CALCR: variants seen among roughly 807,000 people sequenced by gnomAD.
The protein encoded by CALCR is calcitonin receptor.
Under a neutral mutation model 59.5 loss-of-function variants are expected in CALCR, and 47 were observed. The ratio of observed to expected loss-of-function variants is 0.79; its 90% confidence interval spans 0.63 to 1.01. The LOEUF (loss-of-function observed/expected upper bound fraction) is 1.01. Among genes scored for constraint, CALCR ranks in the 50% least tolerant of loss-of-function variants. The pLI is 0.00. For missense variants in CALCR, 566 were observed against 597.1 expected (o/e 0.95, Z 0.54); for synonymous variants, 213 against 211.3 (o/e 1.01, Z -0.07).
At chr7:93,482,066 A>G (rs1395680610) in intron 3 of CALCR, among the ~76,000 whole-genome samples, 1 of 151,888 alleles carries the variant, frequency 6.6e-6, no homozygotes, top group Non-Finnish European at 1.5e-5. Flanking sequence ...ATGAACAATA[A>G]AGAATCATCA....
chr7:93,534,000 A>G (rs1275096161), intron 2 of CALCR, among the ~76,000 whole-genome samples: 1 of 151,808 alleles, frequency 6.6e-6, no homozygotes, highest in Non-Finnish European at 1.5e-5. Context: ...CCATTGGTTA[A>G]TAAAGGATCA....
At chr7:93,497,984 C>G (rs1466350259) in intron 2 of CALCR, among the ~76,000 whole-genome samples, 1 of 151,520 alleles carries the variant, frequency 6.6e-6, no homozygotes, top group Non-Finnish European at 1.5e-5. Flanking sequence ...AAGATGCTAG[C>G]CTAACCCTGG....
intron 2 of CALCR, among the ~76,000 whole-genome samples, chr7:93,544,479 T>C (rs1253084679): frequency 6.6e-6 from 1 of 152,208 alleles, no homozygotes; most frequent in Admixed American, 6.5e-5. Flanking sequence ...TTTGTCATTT[T>C]TGAAAGAATT....
chr7:93,465,977 C>T (rs949317752), intron 7 of CALCR, among the ~76,000 whole-genome samples: 2 of 151,696 alleles, frequency 1.3e-5, no homozygotes, highest in African/African-American at 4.8e-5. Context: ...CAGGGTTCCT[C>T]CTTTTTATGA....
intron 8 of CALCR, among the ~76,000 whole-genome samples, chr7:93,448,974 A>G (rs1226409115): frequency 6.6e-6 from 1 of 151,976 alleles, no homozygotes; most frequent in Admixed American, 6.6e-5. Flanking sequence ...ATGTTTGGAA[A>G]CTTACAGCAA....
intron 2 of CALCR, among the ~76,000 whole-genome samples, chr7:93,567,500 A>G (rs1789891127): frequency 6.6e-6 from 1 of 151,904 alleles, no homozygotes; most frequent in African/African-American, 2.4e-5. Flanking sequence ...TGATTCAAAA[A>G]TTGCTATATT....
intron 2 of CALCR, among the ~76,000 whole-genome samples, chr7:93,527,938 T>TTCCCC (rs1261267282): frequency 1.3e-5 from 2 of 152,192 alleles, no homozygotes; most frequent in African/African-American, 4.8e-5. Flanking sequence ...TTGTTATTTT[T>TTCCCC]TGCCTCAAAA....
chr7:93,548,429 A>G (rs1414775696), intron 2 of CALCR, among the ~76,000 whole-genome samples: 4 of 152,180 alleles, frequency 2.6e-5, no homozygotes, highest in African/African-American at 9.7e-5. Flanking sequence ...ATTACACATA[A>G]TTCTTAATGA....
At chr7:93,429,925 TGTTTGTTTGTTTTTTTG>T (rs1562923960) in intron 13 of CALCR, among the ~76,000 whole-genome samples, 4 of 102,534 alleles carry the variant, frequency 3.9e-5, no homozygotes, top group Admixed American at 1.2e-4. Context: ...TTTTTTTTTT[TGTTTGTTTGTTTTTTTG>T]TTTTTTTTTG....
intron 2 of CALCR, among the ~76,000 whole-genome samples, chr7:93,493,927 T>TTACC (rs777271065): frequency 1.3e-5 from 2 of 151,408 alleles, no homozygotes; most frequent in Non-Finnish European, 3.0e-5. Flanking sequence ...TATACATACT[T>TTACC]GTGAAACTGA....
At chr7:93,448,914 C>G (rs939336427) in intron 8 of CALCR, among the ~76,000 whole-genome samples, 1 of 151,886 alleles carries the variant, frequency 6.6e-6, no homozygotes, top group Non-Finnish European at 1.5e-5. Context: ...AAATGAAGAG[C>G]CTGAAGAGTA....
rs567768189 is a variant in CALCR at position 93,507,703 on chromosome 7, C to A, written c.-26-20696G>T. On this transcript the variant is annotated intron_variant, in intron 2 of 13. Coordinates refer to ENST00000426151, the MANE Select transcript of CALCR (RefSeq NM_001742.4). ...TGGGTGGATCACGAGGTCAGGAGAT[C>A]GAGACCATCCTGGCTAACATGGTGA... Among the ~76,000 whole-genome samples, 28 of 144,956 alleles carry A rather than the reference C, an allele frequency of 1.9e-4. No homozygotes were observed. The East Asian group carries it at 4.9e-3, about 25-fold the overall frequency.
chr7:93,436,305 T>C lies in CALCR; in HGVS notation c.931-135A>G, dbSNP rs911188693. On this transcript the variant is annotated intron_variant, in intron 11 of 13. Transcript: ENST00000426151. Reference sequence around the variant, plus strand: ...AGAACATGAGAGTCTACCTGAGAGGTAGCACAATTGGCTCAGCATTTCTAG... The same window carrying C: ...AGAACATGAGAGTCTACCTGAGAGGCAGCACAATTGGCTCAGCATTTCTAG... 8 of 694,056 alleles carry C rather than the reference T, an allele frequency of 1.2e-5. No homozygotes were observed. In the African/African-American group the frequency reaches 1.3e-4, roughly 11 times the overall value. 43.0% of individuals were successfully genotyped at this position (694,056 alleles called of 1,614,324 possible).
At chr7:93,570,668 AG>A (rs1789981957) in intron 2 of CALCR, among the ~76,000 whole-genome samples, 1 of 152,204 alleles carries the variant, frequency 6.6e-6, no homozygotes, top group Non-Finnish European at 1.5e-5. Context: ...CTTATACCTC[AG>A]GTATCCACTG....
chr7:93,431,506 G>A (rs1276003625), intron 13 of CALCR, among the ~76,000 whole-genome samples: 1 of 152,172 alleles, frequency 6.6e-6, no homozygotes, highest in Non-Finnish European at 1.5e-5. Flanking sequence ...GAGGCCACAG[G>A]TGAAAAGACT....
At chr7:93,500,602 T>G (rs1425046237) in intron 2 of CALCR, among the ~76,000 whole-genome samples, 1 of 152,020 alleles carries the variant, frequency 6.6e-6, no homozygotes, top group East Asian at 1.9e-4. Context: ...ATGTTTGTGT[T>G]TGCAGAAATG....
intron 2 of CALCR, among the ~76,000 whole-genome samples, chr7:93,535,255 A>G (rs1788955343): frequency 6.6e-6 from 1 of 151,784 alleles, no homozygotes; most frequent in African/African-American, 2.4e-5. Context: ...CTATAATAAT[A>G]AGACATAGTT....
intron 2 of CALCR, among the ~76,000 whole-genome samples, chr7:93,548,984 A>G (rs1165166291): frequency 6.6e-6 from 1 of 152,056 alleles, no homozygotes; most frequent in Non-Finnish European, 1.5e-5. Context: ...TGTGATTATA[A>G]AAATTCTCAA....
intron 2 of CALCR, among the ~76,000 whole-genome samples, chr7:93,489,897 T>A (rs1801035873): frequency 6.6e-6 from 1 of 151,990 alleles, no homozygotes; most frequent in South Asian, 2.1e-4. Context: ...GACTCCTCCC[T>A]AATTCATTTT....
Sources: allele counts gnomAD v4.1 joint callset (sites outside exome capture counted in the v4.1 genomes callset), GRCh38; gene constraint gnomAD v4.1.1; transcripts MANE v1.5; gene names NCBI Gene and HGNC (gene_info 2026-07-23, HGNC 2026-07-21).